The following CTNNA3 variants were observed in gnomAD, a reference collection of about 807,000 sequenced individuals.
The protein encoded by CTNNA3 is catenin alpha 3.
A neutral mutation model predicts 95.7 loss-of-function variants in CTNNA3; 76 were observed. That is an observed-to-expected ratio of 0.79 (90% confidence interval 0.66 to 0.96). The LOEUF (loss-of-function observed/expected upper bound fraction) is 0.96. Among genes scored for constraint, CTNNA3 ranks in the 40% least tolerant of loss-of-function variants. The pLI, the probability that CTNNA3 is intolerant of heterozygous loss-of-function variation, is 0.00. For synonymous variants in CTNNA3, 431 were observed against 374.4 expected (o/e 1.15, Z -1.74); for missense variants, 1,191 against 1,089.8 (o/e 1.09, Z -1.31).
intron 3 of CTNNA3, among the ~76,000 whole-genome samples, chr10:67,551,585 C>T (rs909376350): frequency 2.6e-5 from 4 of 152,172 alleles, no homozygotes; most frequent in Admixed American, 6.5e-5. Context: ...AAAAGAGCAC[C>T]CTGTAACACA....
intron 10 of CTNNA3, among the ~76,000 whole-genome samples, chr10:66,549,899 T>C (rs1319348656): frequency 6.6e-6 from 1 of 152,210 alleles, no homozygotes; most frequent in Non-Finnish European, 1.5e-5. Context: ...GGATCTAATT[T>C]GGTTTATGCA....
intron 5 of CTNNA3, among the ~76,000 whole-genome samples, chr10:67,260,695 T>G (rs976668559): frequency 6.6e-6 from 1 of 151,248 alleles, no homozygotes; most frequent in Non-Finnish European, 1.5e-5. Flanking sequence ...TTTTTTTTTG[T>G]TTTTTTGAGG....
chr10:67,267,913 TA>T (rs1396793651), intron 5 of CTNNA3, among the ~76,000 whole-genome samples: 1 of 152,150 alleles, frequency 6.6e-6, no homozygotes, highest in Non-Finnish European at 1.5e-5. Flanking sequence ...AATACTGAGT[TA>T]AATATCAGAA....
At chr10:66,826,236 C>A (rs1257552222) in intron 7 of CTNNA3, among the ~76,000 whole-genome samples, 1 of 152,108 alleles carries the variant, frequency 6.6e-6, no homozygotes, top group African/African-American at 2.4e-5. Context: ...GAGCAATAAA[C>A]CTGCTAAACA....
At chr10:67,509,927 T>A (rs1839556878) in intron 5 of CTNNA3, among the ~76,000 whole-genome samples, 1 of 152,230 alleles carries the variant, frequency 6.6e-6, no homozygotes, top group Non-Finnish European at 1.5e-5. Context: ...TTGATTTGCA[T>A]TTCTGTGATG....
chr10:66,665,824 A>C (rs1172439914), intron 9 of CTNNA3, among the ~76,000 whole-genome samples: 1 of 151,892 alleles, frequency 6.6e-6, no homozygotes, highest in East Asian at 1.9e-4. Flanking sequence ...TTTTCCCTTC[A>C]CCTTTCTAAA....
At chr10:66,585,602 TA>T (rs542577395) in intron 10 of CTNNA3, among the ~76,000 whole-genome samples, 8 of 151,862 alleles carry the variant, frequency 5.3e-5, no homozygotes, top group Non-Finnish European at 5.9e-5. Flanking sequence ...TGTCCTGAAT[TA>T]AAAAAAATTA....
At chr10:66,313,752 C>A (rs1024894560) in intron 12 of CTNNA3, among the ~76,000 whole-genome samples, 6 of 152,186 alleles carry the variant, frequency 3.9e-5, no homozygotes, top group African/African-American at 1.4e-4. Flanking sequence ...ACACTCAACA[C>A]ACAAGTGAAT....
intron 3 of CTNNA3, among the ~76,000 whole-genome samples, chr10:67,556,444 T>C (rs1841258282): frequency 6.6e-6 from 1 of 152,194 alleles, no homozygotes; most frequent in Non-Finnish European, 1.5e-5. Flanking sequence ...CTGTTATTGG[T>C]CTATTCAGGG....
At chr10:67,167,331 C>A (rs1358570555) in intron 7 of CTNNA3, among the ~76,000 whole-genome samples, 3 of 152,070 alleles carry the variant, frequency 2.0e-5, no homozygotes, top group Non-Finnish European at 2.9e-5. Flanking sequence ...GCAGCTCTAT[C>A]AACCAGAGTG....
At chr10:67,652,017 A>C (rs947887279) in intron 1 of CTNNA3, among the ~76,000 whole-genome samples, 3 of 152,236 alleles carry the variant, frequency 2.0e-5, no homozygotes, top group African/African-American at 7.2e-5. Flanking sequence ...ACAAACATTT[A>C]CTTCTCACAG....
At chr10:66,251,939 G>A (rs1185279867) in intron 13 of CTNNA3, among the ~76,000 whole-genome samples, 1 of 152,054 alleles carries the variant, frequency 6.6e-6, no homozygotes, top group African/African-American at 2.4e-5. Context: ...ACTACTAAGT[G>A]GTGGAACCAG....
At chr10:66,440,670 G>A (rs917017489) in intron 11 of CTNNA3, among the ~76,000 whole-genome samples, 6 of 152,234 alleles carry the variant, frequency 3.9e-5, no homozygotes, top group Admixed American at 3.3e-4. Context: ...TAGGGTAGTA[G>A]TTAAAAGCAT....
At chr10:66,410,263 G>A (rs2093092568) in intron 11 of CTNNA3, among the ~76,000 whole-genome samples, 1 of 152,142 alleles carries the variant, frequency 6.6e-6, no homozygotes, top group Admixed American at 6.5e-5. Context: ...TATCTTTCAG[G>A]TGGAGTCAAG....
At chr10:67,585,675 GTAA>G (rs1433770429) in intron 3 of CTNNA3, among the ~76,000 whole-genome samples, 1 of 151,928 alleles carries the variant, frequency 6.6e-6, no homozygotes, top group Non-Finnish European at 1.5e-5. Flanking sequence ...GTTATCAGTT[GTAA>G]TCTCTTCATT....
chr10:66,892,595 G>A (rs1845315755), intron 7 of CTNNA3, among the ~76,000 whole-genome samples: 1 of 151,976 alleles, frequency 6.6e-6, no homozygotes, highest in East Asian at 1.9e-4. Flanking sequence ...TTTTTAAAGT[G>A]AAAAAATCCA....
intron 7 of CTNNA3, among the ~76,000 whole-genome samples, chr10:67,115,415 C>G (rs952049103): frequency 1.3e-5 from 2 of 151,724 alleles, no homozygotes; most frequent in African/African-American, 4.8e-5. Context: ...GTGCAGCACA[C>G]CAGCATGGCA....
At chr10:66,039,014 A>G (rs532716702) in intron 15 of CTNNA3, among the ~76,000 whole-genome samples, 1 of 152,308 alleles carries the variant, frequency 6.6e-6, no homozygotes, top group African/African-American at 2.4e-5. Context: ...TCAACCCCAA[A>G]GCTCATTAAG....
chr10:67,735,146 AAC>A (rs200624685), intron 1 of CTNNA3, among the ~76,000 whole-genome samples: 1,452 of 85,652 alleles, frequency 0.017, 12 homozygotes, highest in South Asian at 0.024. Context: ...CACACACACA[AAC>A]ACACACACAC....
Sources: gnomAD v4.1 joint callset for allele counts (sites outside exome capture counted in the v4.1 genomes callset) on GRCh38, gnomAD v4.1.1 for gene constraint, MANE v1.5 for transcripts, NCBI Gene and HGNC (gene_info 2026-07-23, HGNC 2026-07-21) for gene names.